Variants in RBM28 observed in about 807,000 individuals in gnomAD.
RBM28 encodes the protein RNA-binding protein 28.
A neutral mutation model predicts 98.3 loss-of-function variants in RBM28; 78 were observed. The observed-to-expected ratio is 0.79, with a 90% confidence interval of 0.66 to 0.96. The LOEUF is 0.96. RBM28 is among the 40% of genes least tolerant of loss of function. The probability of loss-of-function intolerance (pLI) is 0.00; values close to 1 mark genes in which losing one functional copy is unlikely to be tolerated. For synonymous variants in RBM28, 306 were observed against 330.9 expected (o/e 0.92, Z 0.82); for missense variants, 838 against 913.0 (o/e 0.92, Z 1.06).
At position 128,300,276 on chromosome 7, in the gene RBM28, G is replaced by A. The variant is rs1795762737; in HGVS notation, c.*10521C>T. ...CCATGCAAGCTCCTTCCTGCCAGAG[G>A]CTCTGTTCTGGGTTCTACCTGACCT... is the stretch of plus-strand genomic sequence containing the variant. On this transcript the variant is annotated 3_prime_UTR_variant, in exon 19 of 19. Transcript: ENST00000223073. The A allele has an allele frequency of 6.6e-6, 1 of 152,234 alleles. No homozygotes were observed. The highest frequency in any genetic ancestry group is 1.5e-5 in the Non-Finnish European group (1 of 68,070). The allele number at this position is 152,234 out of a possible 1,614,324, so 9.4% of individuals were successfully genotyped here. A position where few individuals can be genotyped will look rare whatever the true frequency, so the allele number is the denominator to read the frequency against.
At chr7:128,342,456 C>T (rs979503586) in intron 1 of RBM28, among the ~76,000 whole-genome samples, 10 of 152,054 alleles carry the variant, frequency 6.6e-5, no homozygotes, top group Non-Finnish European at 1.3e-4. Context: ...ATGAGGCGGG[C>T]GGATCACCTG....
rs1040071709 is a variant in RBM28, at chr7:128,298,724, C to T, written c.*12073G>A. The T allele has an allele frequency of 6.6e-6, 1 of 152,086 alleles. No homozygotes were observed. The highest frequency in any genetic ancestry group is 1.5e-5 in the Non-Finnish European group (1 of 68,044). The allele number at this position is 152,086 out of a possible 1,614,324, so 9.4% of individuals were successfully genotyped here. A position where few individuals can be genotyped will look rare whatever the true frequency, so the allele number is the denominator to read the frequency against. Reference sequence around the variant, plus strand: ...ACAAAACGCCTGCTTTAAAATGTACCCATGGCTGGATGCTGTGGCTCACAC... The same window carrying T: ...ACAAAACGCCTGCTTTAAAATGTACTCATGGCTGGATGCTGTGGCTCACAC... On this transcript the variant is annotated 3_prime_UTR_variant, in exon 19 of 19. Coordinates refer to ENST00000223073, the MANE Select transcript of RBM28 (RefSeq NM_018077.3).
chr7:128,324,493 T>C (rs1157006612), intron 12 of RBM28, 66 bp downstream of exon 12: 9 of 1,605,314 alleles, frequency 5.6e-6, no homozygotes, highest in African/African-American at 1.3e-5. Flanking sequence ...GGCATACTAT[T>C]GCTTGATCAA....
rs1310608222 is a variant in RBM28, at chr7:128,305,227, C to T, written c.*5570G>A. ...TGTCTCACTGTAAATAGCATAAGAA[C>T]AATGTTCTGGCCCCTCCCTCCACTT... On this transcript the variant is annotated 3_prime_UTR_variant, in exon 19 of 19. Coordinates refer to ENST00000223073, the MANE Select transcript of RBM28 (RefSeq NM_018077.3). The T allele has an allele frequency of 6.7e-6, 1 of 150,148 alleles. No individual in the cohort carries two copies. Among genetic ancestry groups the T allele is most frequent in the Non-Finnish European group, 1.5e-5 (1 of 67,686 alleles). The allele number at this position is 150,148 out of a possible 1,614,324, so 9.3% of individuals were successfully genotyped here.
In RBM28 at chr7:128,323,547, C is replaced by T; in HGVS notation, c.1384G>A (p.Asp462Asn). 6.2e-7 allele frequency: 1 copy of T among 1,614,260 alleles called. No individual in the cohort carries two copies. ...CTCACCCGTTCTCTTTTGGCCATAT[C>T]AGCAGCACTCACACCCTCTGCAGCC... ...TKAAEGVSAA[D>N]MAKRERFELL... The change falls in exon 13 of 19, where the codon GAT becomes AAT. Residue 462 changes from aspartate (D) to asparagine (N), a missense_variant. Coordinates refer to ENST00000223073, the MANE Select transcript of RBM28 (RefSeq NM_018077.3).
chr7:128,343,782 C>G lies in RBM28; in HGVS notation c.12G>C (p.Leu4=). 1 of 1,603,176 alleles carries G rather than the reference C, an allele frequency of 6.2e-7. No individual in the cohort carries two copies. The highest frequency in any genetic ancestry group is 1.1e-5 in the South Asian group (1 of 89,766). ...GCGGGAGGCGGCCCACAAATAAGGT[C>G]AGGCCGGCCATGAGACCGGGAAACC... The part of the protein sequence containing the change: MAG[L]TLFVGRLPPS... The change falls in exon 1 of 19, where the codon CTG becomes CTC. Residue 4 remains leucine, a synonymous_variant. Coordinates refer to ENST00000223073, the MANE Select transcript of RBM28 (RefSeq NM_018077.3).
At chr7:128,340,162 T>C (rs1796693594) in intron 1 of RBM28, among the ~76,000 whole-genome samples, 1 of 152,196 alleles carries the variant, frequency 6.6e-6, no homozygotes, top group South Asian at 2.1e-4. Context: ...GAAAGGTAAG[T>C]ATATGCTATG....
chr7:128,324,432 A>G lies in RBM28; in HGVS notation c.1339+127T>C. ...ACATTTATTAAAGTGGAATGATCAT[A>G]TAACACTGTTAAAGAGAACATTTGG... On this transcript the variant is annotated intron_variant, in intron 12 of 18. Transcript: ENST00000223073. 11 of 1,338,336 alleles carry G rather than the reference A, an allele frequency of 8.2e-6. No homozygotes were observed. In the South Asian group the frequency reaches 1.2e-4, roughly 14 times the overall value. The allele number at this position is 1,338,336 out of a possible 1,614,324, so 82.9% of individuals were successfully genotyped here. A position where few individuals can be genotyped will look rare whatever the true frequency, so the allele number is the denominator to read the frequency against.
intron 8 of RBM28, 112 bp from the exon 9 acceptor site, chr7:128,333,474 T>C: frequency 1.1e-6 from 1 of 892,408 alleles, no homozygotes; most frequent in Non-Finnish European, 1.8e-6. Flanking sequence ...TCATGCCACT[T>C]TGAAAAGCCC....
Position 128,309,680 on chromosome 7 carries a change from G to C in RBM28, c.*1117C>G, listed in dbSNP as rs1004330081. ...GAAACAGGGAAGCAGATTTCAGTAA[G>C]GGGGCAAGATAGAGGGGAGGGGAAG... On this transcript the variant is annotated 3_prime_UTR_variant, in exon 19 of 19. Transcript: ENST00000223073. 1 of 153,166 alleles carries C rather than the reference G, an allele frequency of 6.5e-6. No individual in the cohort carries two copies. Among genetic ancestry groups the C allele is most frequent in the Non-Finnish European group, 1.4e-5 (1 of 69,128 alleles). 9.5% of individuals were successfully genotyped at this position (153,166 alleles called of 1,614,324 possible). A position where few individuals can be genotyped will look rare whatever the true frequency, so the allele number is the denominator to read the frequency against.
At chr7:128,318,914 T>G (rs1796163735) in intron 14 of RBM28, among the ~76,000 whole-genome samples, 1 of 152,150 alleles carries the variant, frequency 6.6e-6, no homozygotes, top group South Asian at 2.1e-4. Flanking sequence ...AGAAAGACAT[T>G]TCAAGCATAG....
rs904701592 is a variant in RBM28 at position 128,310,341 on chromosome 7, G to C, written c.*456C>G. On this transcript the variant is annotated 3_prime_UTR_variant, in exon 19 of 19. Coordinates refer to ENST00000223073, the MANE Select transcript of RBM28 (RefSeq NM_018077.3). ...TGTGTAAGACTACAGAGCTGAATTAGGAATGTCAAAGAATGTTCATACATA... is the reference window on the plus strand; with the variant it reads ...TGTGTAAGACTACAGAGCTGAATTACGAATGTCAAAGAATGTTCATACATA... The C allele has an allele frequency of 4.1e-6, 1 of 243,352 alleles. No individual in the cohort carries two copies. Among genetic ancestry groups the C allele is most frequent in the African/African-American group, 2.3e-5 (1 of 43,520 alleles). 15.1% of individuals were successfully genotyped at this position (243,352 alleles called of 1,614,324 possible).
chr7:128,343,507 A>AT (rs1196039251), intron 1 of RBM28, among the ~76,000 whole-genome samples, 169 bp downstream of exon 1: 3 of 152,340 alleles, frequency 2.0e-5, no homozygotes, highest in Non-Finnish European at 2.9e-5. Flanking sequence ...TGCCCTTCAT[A>AT]AACTGACTCC....
At chr7:128,318,141 A>T (rs1377024384) in intron 14 of RBM28, 35 bp from the exon 15 acceptor site, 1 of 1,573,436 alleles carries the variant, frequency 6.4e-7, no homozygotes, top group South Asian at 1.1e-5. Context: ...CAGTAATTAC[A>T]GAATGAGAAG....
In RBM28 at chr7:128,336,589, A is replaced by C. The variant is rs531190837; in HGVS notation, c.613+542T>G. ...CACTCCCAGGAAGGGGCTTAGACTC[A>C]AAAGAGCCTAGGTTTTGGGACCAGA... On this transcript the variant is annotated intron_variant, in intron 6 of 18. Coordinates refer to ENST00000223073, the MANE Select transcript of RBM28 (RefSeq NM_018077.3). 1.9e-3 allele frequency among the ~76,000 whole-genome samples: 282 copies of C among 152,358 alleles called. 1 individual carries two copies. The highest frequency in any genetic ancestry group is 6.6e-3 in the African/African-American group (273 of 41,588).
rs1335599381 is a variant in RBM28, at chr7:128,308,246, T to G, written c.*2551A>C. 2 of 152,232 alleles carry G rather than the reference T, an allele frequency of 1.3e-5. No individual in the cohort carries two copies. Among genetic ancestry groups the G allele is most frequent in the Non-Finnish European group, 2.9e-5 (2 of 68,034 alleles). The allele number at this position is 152,232 out of a possible 1,614,324, so 9.4% of individuals were successfully genotyped here. On this transcript the variant is annotated 3_prime_UTR_variant, in exon 19 of 19. Transcript: ENST00000223073. ...AAGTGAATGAGGTTTTAACATACTG[T>G]TAAGTTGTTAAAAGAAATATTTGGA...
intron 18 of RBM28, 36 bp from the exon 19 acceptor site, chr7:128,310,967 A>T (rs762640140): frequency 6.3e-7 from 1 of 1,593,558 alleles, no homozygotes; most frequent in South Asian, 1.1e-5. Flanking sequence ...AATATAATCA[A>T]TTTCAAAGAC....
chr7:128,325,534 A>G (rs568393110), intron 11 of RBM28, among the ~76,000 whole-genome samples: 2 of 152,300 alleles, frequency 1.3e-5, no homozygotes, highest in South Asian at 4.1e-4. Flanking sequence ...TCAGTCTAGG[A>G]TAGAGGCTGA....
Position 128,328,454 on chromosome 7 carries a change from C to T in RBM28, c.1129+2365G>A, listed in dbSNP as rs112009522. Among the ~76,000 whole-genome samples, 266 of 152,080 alleles carry T rather than the reference C, an allele frequency of 1.7e-3. 4 individuals are homozygous for T. The East Asian group carries it at 0.036, about 21-fold the overall frequency. ...AGAGGGATAAACTACAGGAGCAGCA[C>T]GAGGCTGCATGAGTAGGCAAAAAAG... On this transcript the variant is annotated intron_variant, in intron 10 of 18. Transcript: ENST00000223073.
Sources: gnomAD v4.1 joint callset for allele counts (sites outside exome capture counted in the v4.1 genomes callset) on GRCh38, gnomAD v4.1.1 for gene constraint, MANE v1.5 for transcripts, NCBI Gene and HGNC (gene_info 2026-07-23, HGNC 2026-07-21) for gene names.